EXOC4: variants seen among roughly 807,000 people sequenced by gnomAD.
The protein encoded by EXOC4 is SEC8-like 1.
EXOC4 carries 71 observed loss-of-function variants against 107.2 expected under a neutral mutation model. The ratio of observed to expected loss-of-function variants is 0.66; its 90% confidence interval spans 0.55 to 0.81. The LOEUF (loss-of-function observed/expected upper bound fraction) is 0.81. EXOC4 is among the 30% of genes least tolerant of loss of function. The pLI is 0.00. For missense variants in EXOC4, 1,108 were observed against 1,189.6 expected (o/e 0.93, Z 1.01); for synonymous variants, 456 against 441.2 (o/e 1.03, Z -0.42).
At chr7:133,429,580 C>A (rs1004108787) in intron 7 of EXOC4, among the ~76,000 whole-genome samples, 1 of 152,192 alleles carries the variant, frequency 6.6e-6, no homozygotes, top group Non-Finnish European at 1.5e-5. Context: ...TGGCCTTTAG[C>A]AATCACTCAC....
At chr7:133,964,686 C>A (rs1176890970) in intron 14 of EXOC4, among the ~76,000 whole-genome samples, 1 of 152,132 alleles carries the variant, frequency 6.6e-6, no homozygotes, top group Non-Finnish European at 1.5e-5. Context: ...GTGTAGTATT[C>A]CATGGTGTAT....
chr7:134,068,237 G>C (rs965511765), downstream of EXOC4, among the ~76,000 whole-genome samples: 1 of 152,130 alleles, frequency 6.6e-6, no homozygotes, highest in Non-Finnish European at 1.5e-5. Flanking sequence ...GATACAGTTT[G>C]GCTGTGTCCC....
intron 5 of EXOC4, among the ~76,000 whole-genome samples, chr7:133,318,158 G>C (rs765795320): frequency 7.9e-5 from 12 of 152,200 alleles, no homozygotes; most frequent in Non-Finnish European, 1.3e-4. Flanking sequence ...ATGCATCCAC[G>C]TGTGCACTCA....
chr7:133,808,671 C>T (rs1016547293), intron 10 of EXOC4, among the ~76,000 whole-genome samples: 4 of 152,094 alleles, frequency 2.6e-5, no homozygotes, highest in African/African-American at 9.7e-5. Flanking sequence ...TCCCAAAGCC[C>T]AATTGTCATC....
At chr7:133,428,514 GTTCTA>G (rs1797778308) in intron 7 of EXOC4, among the ~76,000 whole-genome samples, 1 of 152,100 alleles carries the variant, frequency 6.6e-6, no homozygotes, top group African/African-American at 2.4e-5. Context: ...ATTCTATTCT[GTTCTA>G]TTCTGTTCTG....
In EXOC4 at chr7:133,604,005, A is replaced by T. The variant is rs575812377; in HGVS notation, c.1418-26040A>T. Among the ~76,000 whole-genome samples the T allele has an allele frequency of 5.7e-4, 83 of 146,002 alleles. 1 individual carries two copies. Among genetic ancestry groups the T allele is most frequent in the African/African-American group, 2.0e-3 (81 of 40,164 alleles). On this transcript the variant is annotated intron_variant, in intron 9 of 17. Coordinates refer to ENST00000253861, the MANE Select transcript of EXOC4 (RefSeq NM_021807.4). ...CTGTAAGCTTTTTTCTAATTTCAGA[A>T]TTTTTTTTTTTTTCTTTTTAAACTT... is the stretch of plus-strand genomic sequence containing the variant.
intron 10 of EXOC4, among the ~76,000 whole-genome samples, chr7:133,664,226 C>T (rs1407258330): frequency 6.6e-6 from 1 of 152,104 alleles, no homozygotes; most frequent in African/African-American, 2.4e-5. Context: ...TATTACCATG[C>T]ACATATTTTA....
At chr7:133,711,060 G>T (rs564186944) in intron 10 of EXOC4, among the ~76,000 whole-genome samples, 1 of 152,304 alleles carries the variant, frequency 6.6e-6, no homozygotes, top group Non-Finnish European at 1.5e-5. Context: ...AATACAAAAT[G>T]AACTGTATCA....
intron 17 of EXOC4, among the ~76,000 whole-genome samples, chr7:134,013,783 A>G (rs1794827967): frequency 6.6e-6 from 1 of 152,218 alleles, no homozygotes; most frequent in Admixed American, 6.5e-5. Context: ...AGCATGAAAA[A>G]TGCTCAAATT....
the EXOC4 span, among the ~76,000 whole-genome samples, chr7:134,074,317 C>G: frequency 2.6e-5 from 4 of 152,238 alleles, no homozygotes; most frequent in African/African-American, 4.8e-5. Flanking sequence ...CCTCCCCTCC[C>G]TTCTTCTCCC....
chr7:133,418,760 A>G (rs1797535517), intron 7 of EXOC4, among the ~76,000 whole-genome samples: 1 of 152,182 alleles, frequency 6.6e-6, no homozygotes, highest in African/African-American at 2.4e-5. Flanking sequence ...GAATATTGTT[A>G]GATATAAGAT....
intron 10 of EXOC4, among the ~76,000 whole-genome samples, chr7:133,689,412 G>T (rs1332672413): frequency 6.6e-6 from 1 of 152,212 alleles, no homozygotes; most frequent in Non-Finnish European, 1.5e-5. Context: ...AGAAAGATCA[G>T]TTTCAACTGC....
At chr7:133,365,844 T>C (rs1000376270) in intron 6 of EXOC4, among the ~76,000 whole-genome samples, 1 of 152,228 alleles carries the variant, frequency 6.6e-6, no homozygotes, top group African/African-American at 2.4e-5. Flanking sequence ...TATCTAATTA[T>C]ACGTTTCTTT....
At chr7:133,691,016 G>A (rs1158828117) in intron 10 of EXOC4, among the ~76,000 whole-genome samples, 2 of 152,144 alleles carry the variant, frequency 1.3e-5, no homozygotes, top group African/African-American at 4.8e-5. Context: ...CTGCTTTTAA[G>A]CAGATAAGGG....
chr7:133,294,264 A>G (rs1794469928), intron 3 of EXOC4, among the ~76,000 whole-genome samples: 1 of 152,218 alleles, frequency 6.6e-6, no homozygotes, highest in African/African-American at 2.4e-5. Flanking sequence ...TAATATTTTC[A>G]TAAACTTTTT....
At chr7:133,885,044 A>G (rs1799050959) in intron 11 of EXOC4, among the ~76,000 whole-genome samples, 1 of 152,166 alleles carries the variant, frequency 6.6e-6, no homozygotes. Flanking sequence ...GGCCAGGCGC[A>G]GTGGCTCACG....
intron 5 of EXOC4, among the ~76,000 whole-genome samples, chr7:133,334,443 G>C (rs564666344): frequency 6.6e-6 from 1 of 152,144 alleles, no homozygotes; most frequent in Admixed American, 6.5e-5. Context: ...ATATATCCTG[G>C]AAATCATTCT....
intron 13 of EXOC4, among the ~76,000 whole-genome samples, chr7:133,934,417 G>A (rs1800251276): frequency 6.6e-6 from 1 of 152,186 alleles, no homozygotes; most frequent in South Asian, 2.1e-4. Context: ...TGTCTGCTGT[G>A]TATTCAACAT....
chr7:133,830,011 A>G (rs1044239396), intron 11 of EXOC4, among the ~76,000 whole-genome samples: 2 of 151,958 alleles, frequency 1.3e-5, no homozygotes. Context: ...AGTTACAGCT[A>G]TTCCCCTGAT....
Sources: gnomAD v4.1 joint callset for allele counts (sites outside exome capture counted in the v4.1 genomes callset) on GRCh38, gnomAD v4.1.1 for gene constraint, MANE v1.5 for transcripts, NCBI Gene and HGNC (gene_info 2026-07-23, HGNC 2026-07-21) for gene names.